The following TEX9 variants were observed in gnomAD, a reference collection of about 807,000 sequenced individuals.
TEX9 encodes testis expressed 9.
TEX9 carries 74 observed loss-of-function variants against 59.6 expected under a neutral mutation model. The observed-to-expected ratio is 1.24, with a 90% CI of 1.03 to 1.51. The LOEUF (loss-of-function observed/expected upper bound fraction) is 1.51. TEX9 is among the 40% of genes most tolerant of loss of function. The pLI is 0.00. For missense variants in TEX9, 522 were observed against 447.8 expected (o/e 1.17, Z -1.49); for synonymous variants, 186 against 152.2 (o/e 1.22, Z -1.64).
intron 1 of TEX9, among the ~76,000 whole-genome samples, chr15:56,318,675 C>T (rs1284785453): frequency 1.3e-5 from 2 of 151,392 alleles, no homozygotes; most frequent in Admixed American, 6.6e-5. Flanking sequence ...CTTGTTGTTT[C>T]TTTTACTATT....
intron 10 of TEX9, among the ~76,000 whole-genome samples, chr15:56,423,922 TC>T (rs1175527871): frequency 1.3e-5 from 2 of 152,044 alleles, no homozygotes; most frequent in Non-Finnish European, 2.9e-5. Context: ...CTCTCACCCT[TC>T]CCCCACAAGT....
chr15:56,339,658 T>C (rs1371448041), intron 1 of TEX9, among the ~76,000 whole-genome samples: 1 of 152,056 alleles, frequency 6.6e-6, no homozygotes, highest in South Asian at 2.1e-4. Flanking sequence ...TGCACAGATA[T>C]AGACTGAATG....
intron 1 of TEX9, among the ~76,000 whole-genome samples, chr15:56,347,439 T>G (rs921646833): frequency 2.0e-5 from 3 of 152,060 alleles, no homozygotes; most frequent in African/African-American, 7.2e-5. Flanking sequence ...ATATGCCTAA[T>G]TGATTTTTTG....
exon 9 of TEX9, chr15:56,394,728 G>C (rs756980645): frequency 1.2e-6 from 2 of 1,610,940 alleles, no homozygotes; most frequent in African/African-American, 2.7e-5. Flanking sequence ...AGACAGCAGC[G>C]AACAATTAAT....
At chr15:56,250,033 A>G (rs1014699257) in intron 1 of TEX9, among the ~76,000 whole-genome samples, 2 of 152,154 alleles carry the variant, frequency 1.3e-5, no homozygotes, top group Non-Finnish European at 2.9e-5. Flanking sequence ...ACCCTACTGC[A>G]GTACTAGGAA....
chr15:56,387,391 G>A (rs915225098), intron 4 of TEX9, among the ~76,000 whole-genome samples: 2 of 151,990 alleles, frequency 1.3e-5, no homozygotes, highest in Admixed American at 6.6e-5. Context: ...ACATTTTCAT[G>A]TCATTTGTGA....
intron 1 of TEX9, among the ~76,000 whole-genome samples, chr15:56,339,395 A>AAAAAC (rs2046324648): frequency 8.3e-6 from 1 of 119,894 alleles, no homozygotes; most frequent in Non-Finnish European, 1.8e-5. Flanking sequence ...AAAAAAAAAA[A>AAAAAC]AAAAAAAAAA....
intron 12 of TEX9, among the ~76,000 whole-genome samples, chr15:56,441,567 G>GT: frequency 6.6e-6 from 1 of 152,100 alleles, no homozygotes; most frequent in South Asian, 2.1e-4. Flanking sequence ...GTGGGACCTA[G>GT]TTAAACTAAA....
chr15:56,454,277 T>C, the TEX9 span, among the ~76,000 whole-genome samples: 20 of 152,186 alleles, frequency 1.3e-4, no homozygotes, highest in Non-Finnish European at 2.4e-4. Flanking sequence ...CATTTTGATA[T>C]AGGCATGCAA....
At chr15:56,314,653 A>C (rs555115665) in intron 1 of TEX9, among the ~76,000 whole-genome samples, 2 of 152,274 alleles carry the variant, frequency 1.3e-5, no homozygotes, top group South Asian at 4.1e-4. Context: ...AGTTCTGTAG[A>C]TATCTATTAG....
At chr15:56,319,407 T>C (rs532608378) in intron 1 of TEX9, among the ~76,000 whole-genome samples, 1 of 151,842 alleles carries the variant, frequency 6.6e-6, no homozygotes, top group Admixed American at 6.5e-5. Flanking sequence ...TCACAGATCA[T>C]AGTGGGCATT....
intron 10 of TEX9, among the ~76,000 whole-genome samples, chr15:56,415,493 G>T (rs2049630171): frequency 2.0e-5 from 3 of 151,820 alleles, no homozygotes. Flanking sequence ...TGAAGAGGGA[G>T]CCCTTTCCCA....
chr15:56,435,953 T>C (rs954094294), intron 12 of TEX9, among the ~76,000 whole-genome samples: 1 of 151,952 alleles, frequency 6.6e-6, no homozygotes. Flanking sequence ...CATGACCAAG[T>C]AGTGTTTATT....
chr15:56,304,676 A>G (rs1312312310), intron 1 of TEX9, among the ~76,000 whole-genome samples: 7 of 151,864 alleles, frequency 4.6e-5, no homozygotes, highest in Non-Finnish European at 8.8e-5. Flanking sequence ...ATTGTTGACA[A>G]TTTTCCCATC....
At chr15:56,325,174 C>A (rs1463677092) in intron 1 of TEX9, among the ~76,000 whole-genome samples, 1 of 152,138 alleles carries the variant, frequency 6.6e-6, no homozygotes, top group Non-Finnish European at 1.5e-5. Context: ...AACACAAATG[C>A]TAATTCTGGA....
upstream of TEX9, chr15:56,244,000 G>T (rs2141259190): frequency 6.6e-6 from 1 of 150,588 alleles, no homozygotes; most frequent in Non-Finnish European, 1.5e-5. Context: ...AGGGCGGCGC[G>T]GGCCAGCGGG....
intron 1 of TEX9, among the ~76,000 whole-genome samples, chr15:56,274,244 TC>T (rs2044617673): frequency 6.6e-6 from 1 of 152,220 alleles, no homozygotes; most frequent in Non-Finnish European, 1.5e-5. Flanking sequence ...TCACTGACTT[TC>T]CTTGATGTTT....
rs992850905 is a variant in TEX9, at chr15:56,366,606, C to A, written c.119+936C>A. ...TTCCTTTTTGTCTGTCTCCACTGGA[C>A]TGTAAGTTCCAAGGGCAGAGGCGAT... On this transcript the variant is annotated intron_variant, in intron 2 of 12. Transcript: ENST00000352903. Among the ~76,000 whole-genome samples, 5 of 152,270 alleles carry A rather than the reference C, an allele frequency of 3.3e-5. No individual in the cohort carries two copies. The East Asian group carries it at 9.6e-4, about 29-fold the overall frequency.
chr15:56,381,516 G>C (rs1214701850), intron 3 of TEX9, among the ~76,000 whole-genome samples: 3 of 152,156 alleles, frequency 2.0e-5, no homozygotes, highest in Non-Finnish European at 4.4e-5. Flanking sequence ...TTCACAGTCT[G>C]GGTTTATTTG....
Sources: gnomAD v4.1 joint callset for allele counts (sites outside exome capture counted in the v4.1 genomes callset) on GRCh38, gnomAD v4.1.1 for gene constraint, MANE v1.5 for transcripts, NCBI Gene and HGNC (gene_info 2026-07-23, HGNC 2026-07-21) for gene names.